The following NLN variants were observed in gnomAD, a reference collection of about 807,000 sequenced individuals.
NLN encodes neurolysin, mitochondrial.
Under a neutral mutation model 79.9 loss-of-function variants are expected in NLN, and 64 were observed. The ratio of observed to expected loss-of-function variants is 0.80; its 90% CI spans 0.65 to 0.99. The LOEUF (loss-of-function observed/expected upper bound fraction) is 0.99. Among genes scored for constraint, NLN ranks in the 50% least tolerant of loss-of-function variants. The probability of loss-of-function intolerance (pLI) is 0.00; values close to 1 mark genes in which losing one functional copy is unlikely to be tolerated. For missense variants in NLN, 835 were observed against 858.7 expected, an observed-to-expected ratio of 0.97 and a Z score of 0.34; for synonymous variants, 267 against 296.6, an observed-to-expected ratio of 0.90 and a Z score of 1.02.
At position 65,732,998 on chromosome 5, in the gene NLN, A is replaced by G. The variant is rs1048882238; in HGVS notation, c.41+10584A>G. On this transcript the variant is annotated intron_variant, in intron 1 of 12. Coordinates refer to ENST00000380985, the MANE Select transcript of NLN (RefSeq NM_020726.5). The stretch of plus-strand genomic sequence containing the variant: ...CACCTGTGTGGTAGTAAGGTGCAGA[A>G]TTACTCAATGCCCACTTCAAGTTTA... 9 of 873,036 alleles carry G rather than the reference A, an allele frequency of 1.0e-5. 1 individual carries two copies. The highest frequency in any genetic ancestry group is 1.8e-5 in the African/African-American group (1 of 54,436). The allele number at this position is 873,036 out of a possible 1,614,324, so 54.1% of individuals were successfully genotyped here.
chr5:65,780,735 G>T (rs563998733), intron 5 of NLN, among the ~76,000 whole-genome samples: 2 of 151,966 alleles, frequency 1.3e-5, no homozygotes, highest in Non-Finnish European at 2.9e-5. Context: ...GTGCGATGGC[G>T]CAATCTCGCC....
Position 65,733,573 on chromosome 5 carries a change from A to G in NLN, c.41+11159A>G. Reference sequence around the variant, plus strand: ...ACAGTCAGGGAAGTCAGGCAGCCCAAGAGGATCTTTTTTGGTCCCGTCCCC... The same window carrying G: ...ACAGTCAGGGAAGTCAGGCAGCCCAGGAGGATCTTTTTTGGTCCCGTCCCC... On this transcript the variant is annotated intron_variant, in intron 1 of 12. Transcript: ENST00000380985. The G allele has an allele frequency of 6.0e-6, 9 of 1,501,572 alleles. No individual in the cohort carries two copies. In the South Asian group the frequency reaches 6.9e-5, roughly 11 times the overall value. 93.0% of individuals were successfully genotyped at this position (1,501,572 alleles called of 1,614,324 possible).
chr5:65,792,742 G>GT lies in NLN; in HGVS notation c.1527+93dup, dbSNP rs756172190. On this transcript the variant is annotated intron_variant, in intron 9 of 12. Transcript: ENST00000380985. The stretch of plus-strand genomic sequence containing the variant: ...GCTGTCAGGTTTCTGCTCCTAACAG[G>GT]TTTTTTCAGAAGCTGAATGTGTTCA... 3.5e-6 allele frequency: 4 copies of GT among 1,136,812 alleles called. No individual in the cohort carries two copies. In the African/African-American group the frequency reaches 6.1e-5, roughly 17 times the overall value. The allele number at this position is 1,136,812 out of a possible 1,614,324, so 70.4% of individuals were successfully genotyped here.
Position 65,826,934 on chromosome 5 carries a change from AC to A in NLN, c.*4020del, listed in dbSNP as rs1367766371. 1 of 151,832 alleles carries A rather than the reference AC, an allele frequency of 6.6e-6. No individual in the cohort carries two copies. The allele number at this position is 151,832 out of a possible 1,614,324, so 9.4% of individuals were successfully genotyped here. A position where few individuals can be genotyped will look rare whatever the true frequency, so the allele number is the denominator to read the frequency against. On this transcript the variant is annotated 3_prime_UTR_variant, in exon 13 of 13. Coordinates refer to ENST00000380985, the MANE Select transcript of NLN (RefSeq NM_020726.5). Reference sequence around the variant, plus strand: ...AATAAAAAAAAAAGGAAAAGGAAAGACATACATACCCTCAGTTCTTCGAAAA... The same window carrying A: ...AATAAAAAAAAAAGGAAAAGGAAAGAATACATACCCTCAGTTCTTCGAAAA...
At chr5:65,770,962 ATGTT>A (rs1458529692) in intron 3 of NLN, among the ~76,000 whole-genome samples, 2 of 152,306 alleles carry the variant, frequency 1.3e-5, no homozygotes, top group South Asian at 2.1e-4. Context: ...ACTGGAAAAA[ATGTT>A]TGTCACAAAA....
intron 2 of NLN, among the ~76,000 whole-genome samples, chr5:65,762,166 T>A (rs1759353158): frequency 6.6e-6 from 1 of 152,210 alleles, no homozygotes; most frequent in African/African-American, 2.4e-5. Context: ...GTCTCCAATG[T>A]CTGGCTACTT....
intron 1 of NLN, among the ~76,000 whole-genome samples, chr5:65,723,838 A>G (rs936054168): frequency 2.0e-5 from 3 of 148,722 alleles, no homozygotes; most frequent in African/African-American, 7.4e-5. Context: ...AAAAAAAAAG[A>G]ACAATTCTCA....
At chr5:65,731,152 T>G (rs2591942) in intron 1 of NLN, among the ~76,000 whole-genome samples, 32,076 of 152,200 alleles carry the variant, frequency 0.21, 3,531 homozygotes, top group Non-Finnish European at 0.24. Context: ...CCCTCTTTCC[T>G]GTGACGTCTC....
chr5:65,738,724 C>T (rs1019825974), intron 1 of NLN, among the ~76,000 whole-genome samples: 1 of 151,348 alleles, frequency 6.6e-6, no homozygotes, highest in African/African-American at 2.4e-5. Context: ...CTCCTTTCAC[C>T]AGCAGTCACC....
At chr5:65,763,717 G>A (rs1352746164) in intron 3 of NLN, among the ~76,000 whole-genome samples, 1 of 146,572 alleles carries the variant, frequency 6.8e-6, no homozygotes, top group Non-Finnish European at 1.5e-5. Context: ...GTTTAATTTT[G>A]CATGTTTCTT....
Position 65,788,203 on chromosome 5 carries a change from G to A in NLN, c.1044G>A (p.Arg348=), listed in dbSNP as rs756836726. The change falls in exon 8 of 13, where the codon AGG becomes AGA. Residue 348 remains arginine (R), a synonymous_variant. Transcript: ENST00000380985. ...LNLKKKECKD[R]GFEYDGKINA... ...TGAAGAAAAAGGAATGCAAAGACAG[G>A]GGTTTTGAATATGATGGGAAAATCA... is the stretch of plus-strand genomic sequence containing the variant. The A allele has an allele frequency of 1.9e-6, 3 of 1,613,930 alleles. No individual in the cohort carries two copies. Among genetic ancestry groups the A allele is most frequent in the Non-Finnish European group, 2.5e-6 (3 of 1,179,948 alleles).
chr5:65,723,610 C>T (rs1327333138), intron 1 of NLN, among the ~76,000 whole-genome samples: 2 of 151,680 alleles, frequency 1.3e-5, no homozygotes, highest in Non-Finnish European at 2.9e-5. Context: ...GTCAGGAGAT[C>T]GAGACCATCC....
rs190714564 is a variant in NLN, at chr5:65,828,384, A to C, written c.*5469A>C. 1.1e-4 allele frequency: 17 copies of C among 152,362 alleles called. No homozygotes were observed. Among genetic ancestry groups the C allele is most frequent in the Admixed American group, 3.9e-4 (6 of 15,306 alleles). The allele number at this position is 152,362 out of a possible 1,614,324, so 9.4% of individuals were successfully genotyped here. A position where few individuals can be genotyped will look rare whatever the true frequency, so the allele number is the denominator to read the frequency against. On this transcript the variant is annotated 3_prime_UTR_variant, in exon 13 of 13. Coordinates refer to ENST00000380985, the MANE Select transcript of NLN (RefSeq NM_020726.5). ...TTTGGCCAAGTAGTACAGTGTTTGC[A>C]GGAGCAGTAACAAGATGGTGATAAC... is the stretch of plus-strand genomic sequence containing the variant.
intron 9 of NLN, among the ~76,000 whole-genome samples, chr5:65,808,829 T>C (rs189234745): frequency 6.6e-6 from 1 of 152,358 alleles, no homozygotes; most frequent in Admixed American, 6.5e-5. Flanking sequence ...CTAAAGCAGC[T>C]TCTTATTTTA....
At chr5:65,787,045 A>G (rs568625553) in intron 7 of NLN, among the ~76,000 whole-genome samples, 1 of 152,298 alleles carries the variant, frequency 6.6e-6, no homozygotes, top group South Asian at 2.1e-4. Context: ...GATTGCATAC[A>G]CTAAAATTTT....
intron 12 of NLN, among the ~76,000 whole-genome samples, chr5:65,814,080 G>GCTA (rs10654254): frequency 0.022 from 3,327 of 152,192 alleles, 52 homozygotes; most frequent in Middle Eastern, 0.054. Context: ...AAAAAAACTT[G>GCTA]CTACTGACTC....
At position 65,822,837 on chromosome 5, in the gene NLN, G is replaced by A. The variant is rs780559941; in HGVS notation, c.2037G>A (p.Met679Ile). ...ILKPGGSLDG[M>I]DMLHNFLKRE... Reference sequence around the variant, plus strand: ...AACCTGGGGGATCTCTGGACGGCATGGACATGCTCCACAATTTCTTGAAAC... The same window carrying A: ...AACCTGGGGGATCTCTGGACGGCATAGACATGCTCCACAATTTCTTGAAAC... The change falls in exon 13 of 13, where the codon ATG becomes ATA. Residue 679 changes from methionine (M) to isoleucine (I), a missense_variant. Transcript: ENST00000380985. 6.2e-7 allele frequency: 1 copy of A among 1,611,624 alleles called. No individual in the cohort carries two copies. The highest frequency in any genetic ancestry group is 8.5e-7 in the Non-Finnish European group (1 of 1,177,758).
rs376854588 is a variant in NLN, at chr5:65,792,660, GT to G, written c.1527+15del. 0.014 allele frequency: 20,677 copies of G among 1,513,998 alleles called. 260 individuals carry two copies. The highest frequency in any genetic ancestry group is 0.067 in the African/African-American group (4,838 of 72,198). 93.8% of individuals were successfully genotyped at this position (1,513,998 alleles called of 1,614,324 possible). Reference sequence around the variant, plus strand: ...ATGCATCAGATTTGTGCACAGGTGAGTTTTTTTTTTCCCCCAGTAAACCTGC... The same window carrying G: ...ATGCATCAGATTTGTGCACAGGTGAGTTTTTTTTTCCCCCAGTAAACCTGC... On this transcript the variant is annotated splice_donor_region_variant and intron_variant, in intron 9 of 12. Coordinates refer to ENST00000380985, the MANE Select transcript of NLN (RefSeq NM_020726.5).
intron 1 of NLN, among the ~76,000 whole-genome samples, chr5:65,731,816 T>C (rs576425647): frequency 7.5e-6 from 1 of 132,836 alleles, no homozygotes; most frequent in Non-Finnish European, 1.6e-5. Context: ...AGTGGAACAA[T>C]CTCATCTCTC....
Sources: gnomAD v4.1 joint callset for allele counts (sites outside exome capture counted in the v4.1 genomes callset) on GRCh38, gnomAD v4.1.1 for gene constraint, MANE v1.5 for transcripts, NCBI Gene and HGNC (gene_info 2026-07-23, HGNC 2026-07-21) for gene names.